ZBTB16: variants seen among roughly 807,000 people sequenced by gnomAD.
The protein encoded by ZBTB16 is zinc finger and BTB domain-containing protein 16.
In ZBTB16, 8 loss-of-function variants were observed where a neutral mutation model predicts 56.8. The ratio of observed to expected loss-of-function variants is 0.14; its 90% CI spans 0.08 to 0.25. ZBTB16 has a LOEUF of 0.25. Among genes scored for constraint, ZBTB16 ranks in the 10% least tolerant of loss-of-function variants. The pLI is 1.00. For synonymous variants in ZBTB16, 363 were observed against 368.5 expected (o/e 0.98, Z 0.17); for missense variants, 625 against 903.0 (o/e 0.69, Z 3.95).
chr11:114,064,330 G>C lies in ZBTB16; in HGVS notation c.1030G>C (p.Ala344Pro). The change falls in exon 2 of 7, where the codon GCT (alanine) becomes CCT (proline). Residue 344 changes from alanine to proline, a missense_variant. By Grantham distance (27) the Ala-to-Pro change is conservative (BLOSUM62 -1). Transcript: ENST00000335953. The surrounding 1 kb of genome is among the most constrained non-coding windows in gnomAD (Gnocchi z 4.2). ...YSVLPNHKAD[A>P]VLSMPSSVTS... ...CGTGTTGCCCAACCACAAGGCTGAC[G>C]CTGTATTGAGCATGCCGTCTTCCGT... 6.2e-7 allele frequency: 1 copy of C among 1,614,108 alleles called. No individual in the cohort carries two copies. The highest frequency in any genetic ancestry group is 8.5e-7 in the Non-Finnish European group (1 of 1,180,026).
In ZBTB16 at chr11:114,255,620, C is replaced by G. The variant is rs1944989655; in HGVS notation, c.*5065C>G. On this transcript the variant is annotated 3_prime_UTR_variant, in exon 7 of 7. Coordinates refer to ENST00000335953, the MANE Select transcript of ZBTB16 (RefSeq NM_006006.6). Reference sequence around the variant, plus strand: ...CTGTTCTAGTTCCGAAGCAGTTTCACTCGAAGTTGTGCAGTCCTGGTTGCA... The same window carrying G: ...CTGTTCTAGTTCCGAAGCAGTTTCAGTCGAAGTTGTGCAGTCCTGGTTGCA... Among the ~76,000 whole-genome samples, 1 of 151,600 alleles carries G rather than the reference C, an allele frequency of 6.6e-6. No homozygotes were observed. Among genetic ancestry groups the G allele is most frequent in the Non-Finnish European group, 1.5e-5 (1 of 67,992 alleles).
chr11:114,169,711 T>G (rs771018601), intron 3 of ZBTB16, among the ~76,000 whole-genome samples: 10 of 152,150 alleles, frequency 6.6e-5, no homozygotes, highest in Non-Finnish European at 2.9e-5. Context: ...AGGCTGGGTG[T>G]GCTCATTGTG....
intron 3 of ZBTB16, among the ~76,000 whole-genome samples, chr11:114,175,978 G>GT (rs1943101230): frequency 6.8e-6 from 1 of 148,050 alleles, no homozygotes; most frequent in African/African-American, 2.5e-5. Context: ...AGGGGAGAGG[G>GT]GTGTGTGTGT....
At chr11:114,239,724 G>T (rs1159321369) in intron 4 of ZBTB16, among the ~76,000 whole-genome samples, 1 of 152,144 alleles carries the variant, frequency 6.6e-6, no homozygotes, top group Non-Finnish European at 1.5e-5. Flanking sequence ...CCCACTCCTG[G>T]CCAGGGGTTC....
chr11:114,185,846 A>G (rs976529349), intron 3 of ZBTB16, among the ~76,000 whole-genome samples: 1 of 152,264 alleles, frequency 6.6e-6, no homozygotes, highest in Non-Finnish European at 1.5e-5. Flanking sequence ...TCATCTTGAC[A>G]TGGTGGCATT....
intron 2 of ZBTB16, among the ~76,000 whole-genome samples, chr11:114,103,075 A>G (rs1940671012): frequency 6.6e-6 from 1 of 152,236 alleles, no homozygotes; most frequent in Non-Finnish European, 1.5e-5. Context: ...GAGGTCTGTC[A>G]ATGGCACTTC....
rs566927949 is a variant in ZBTB16, at chr11:114,212,850, G to A, written c.1453+25812G>A. 1.1e-4 allele frequency among the ~76,000 whole-genome samples: 16 copies of A among 152,100 alleles called. No individual in the cohort carries two copies. In the South Asian group the frequency reaches 1.7e-3, roughly 16 times the overall value. On this transcript the variant is annotated intron_variant, in intron 4 of 6. Coordinates refer to ENST00000335953, the MANE Select transcript of ZBTB16 (RefSeq NM_006006.6). ...CAGGCAGTCCGTGCTCACGTGTGCC[G>A]GAGGAATTGCTGTGGGTCCCTTTTC...
chr11:114,179,623 C>CTGGCAAACATTAGGTGT (rs1943198756), intron 3 of ZBTB16, among the ~76,000 whole-genome samples: 2 of 152,280 alleles, frequency 1.3e-5, no homozygotes, highest in Admixed American at 6.5e-5. Context: ...ACATTAGATG[C>CTGGCAAACATTAGGTGT]TGGCAAACAT....
chr11:114,091,557 C>A (rs1269048070), intron 2 of ZBTB16, among the ~76,000 whole-genome samples: 2 of 151,868 alleles, frequency 1.3e-5, no homozygotes, highest in African/African-American at 4.8e-5. Context: ...CACTTCTGGC[C>A]TTCTTTGTGC....
At position 114,255,608 on chromosome 11, in the gene ZBTB16, G is replaced by A. The variant is rs1449209165; in HGVS notation, c.*5053G>A. On this transcript the variant is annotated 3_prime_UTR_variant, in exon 7 of 7. Transcript: ENST00000335953. The stretch of plus-strand genomic sequence containing the variant: ...GCCGCTCCTTATCTGTTCTAGTTCC[G>A]AAGCAGTTTCACTCGAAGTTGTGCA... 2.6e-5 allele frequency among the ~76,000 whole-genome samples: 4 copies of A among 151,038 alleles called. No individual in the cohort carries two copies. The highest frequency in any genetic ancestry group is 5.9e-5 in the Non-Finnish European group (4 of 67,906).
At chr11:114,132,970 T>G (rs1941704915) in intron 2 of ZBTB16, among the ~76,000 whole-genome samples, 1 of 152,174 alleles carries the variant, frequency 6.6e-6, no homozygotes, top group African/African-American at 2.4e-5. Context: ...ATTACTGCAG[T>G]ACAAAGTTAG....
At chr11:114,176,613 G>T (rs1201053202) in intron 3 of ZBTB16, among the ~76,000 whole-genome samples, 1 of 152,186 alleles carries the variant, frequency 6.6e-6, no homozygotes, top group Non-Finnish European at 1.5e-5. Flanking sequence ...ACCAAGGGTT[G>T]TATGCATTTG....
chr11:114,104,556 C>T (rs1301720236), intron 2 of ZBTB16, among the ~76,000 whole-genome samples: 1 of 152,058 alleles, frequency 6.6e-6, no homozygotes, highest in Admixed American at 6.5e-5. Flanking sequence ...TGTTGTTTTG[C>T]TGTGGTTTGC....
At chr11:114,173,762 G>A (rs1943034062) in intron 3 of ZBTB16, among the ~76,000 whole-genome samples, 1 of 152,162 alleles carries the variant, frequency 6.6e-6, no homozygotes, top group Non-Finnish European at 1.5e-5. Flanking sequence ...TGTAATCAAA[G>A]GACTTTTTGG....
chr11:114,177,639 C>T (rs188837538), intron 3 of ZBTB16, among the ~76,000 whole-genome samples: 1 of 152,250 alleles, frequency 6.6e-6, no homozygotes, highest in East Asian at 1.9e-4. Flanking sequence ...TCTGGTTCAT[C>T]ACAGCAGGGA....
intron 5 of ZBTB16, among the ~76,000 whole-genome samples, chr11:114,243,602 TA>T (rs1431782905): frequency 6.6e-6 from 1 of 152,128 alleles, no homozygotes; most frequent in Non-Finnish European, 1.5e-5. Context: ...GTGGGCTCAA[TA>T]AAAAGGGCCC....
rs1011259403 is a variant in ZBTB16, at chr11:114,254,164, CAAATATAT to C, written c.*3611_*3618del. 4.0e-5 allele frequency among the ~76,000 whole-genome samples: 6 copies of C among 150,930 alleles called. No individual in the cohort carries two copies. Among genetic ancestry groups the C allele is most frequent in the Non-Finnish European group, 7.4e-5 (5 of 67,746 alleles). On this transcript the variant is annotated 3_prime_UTR_variant, in exon 7 of 7. Transcript: ENST00000335953. ...AAATCCTATGTATATATAGGATAGACAAATATATAGATATATAGATATATATATATATA... is the reference window on the plus strand; with the variant it reads ...AAATCCTATGTATATATAGGATAGACAGATATATAGATATATATATATATA...
intron 3 of ZBTB16, among the ~76,000 whole-genome samples, chr11:114,167,475 C>T (rs1443980003): frequency 2.1e-5 from 3 of 144,112 alleles, no homozygotes; most frequent in Non-Finnish European, 4.5e-5. Context: ...ATTATTTTAG[C>T]ATCAGTAGGA....
intron 2 of ZBTB16, among the ~76,000 whole-genome samples, chr11:114,116,118 C>T (rs1293981916): frequency 6.6e-6 from 1 of 152,168 alleles, no homozygotes; most frequent in Non-Finnish European, 1.5e-5. Context: ...GGGCAGAAAG[C>T]TCTAGAAGAA....
Sources: gnomAD v4.1 joint callset for allele counts (sites outside exome capture counted in the v4.1 genomes callset) on GRCh38, gnomAD v4.1.1 for gene constraint, Gnocchi (gnomAD v3.1) non-coding constraint, MANE v1.5 for transcripts, NCBI Gene and HGNC (gene_info 2026-07-23, HGNC 2026-07-21) for gene names.